The following AKR1C3 variants were observed in gnomAD, a reference collection of about 807,000 sequenced individuals.
AKR1C3 encodes the protein 3-alpha hydroxysteroid dehydrogenase, type II.
A neutral mutation model predicts 43.6 loss-of-function variants in AKR1C3; 48 were observed. The ratio of observed to expected loss-of-function variants is 1.10; its 90% confidence interval spans 0.87 to 1.40. The LOEUF (loss-of-function observed/expected upper bound fraction) is 1.40. Among genes scored for constraint, AKR1C3 ranks in the 40% most tolerant of loss-of-function variants. The probability of loss-of-function intolerance (pLI) is 0.00; values close to 1 mark genes in which losing one functional copy is unlikely to be tolerated. For synonymous variants in AKR1C3, 162 were observed against 139.6 expected (o/e 1.16, Z -1.13); for missense variants, 482 against 391.2 (o/e 1.23, Z -1.96).
chr10:5,074,336 C>G (rs1838667834), intron 1 of AKR1C3, among the ~76,000 whole-genome samples: 1 of 152,106 alleles, frequency 6.6e-6, no homozygotes, highest in Admixed American at 6.5e-5. Context: ...TTTGGGGGTC[C>G]ATACTCTAAA....
intron 1 of AKR1C3, among the ~76,000 whole-genome samples, chr10:5,086,026 G>T (rs1481234099): frequency 6.6e-6 from 1 of 151,722 alleles, no homozygotes; most frequent in Non-Finnish European, 1.5e-5. Flanking sequence ...CAAAAAACCA[G>T]CTCCTGGTTT....
rs1352145237 is a variant in AKR1C3, at chr10:5,064,673, CAAA to C, written c.84+15780_84+15782del. 2.0e-5 allele frequency among the ~76,000 whole-genome samples: 3 copies of C among 152,114 alleles called. No homozygotes were observed. In the East Asian group the frequency reaches 5.8e-4, roughly 29 times the overall value. Reference sequence around the variant, plus strand: ...ATCCAGAATCTACAAGAAACTTAAACAAAATAACAAGCAAAAAGAACAACAACT... The same window carrying C: ...ATCCAGAATCTACAAGAAACTTAAACATAACAAGCAAAAAGAACAACAACT... On this transcript the variant is annotated intron_variant, in intron 1 of 8. Transcript: ENST00000439082.
At chr10:5,088,063 T>C (rs1839012401) in intron 1 of AKR1C3, among the ~76,000 whole-genome samples, 3 of 152,228 alleles carry the variant, frequency 2.0e-5, no homozygotes. Context: ...GAATTCTGAA[T>C]TTCATTCTTT....
chr10:5,072,225 TGC>T, intron 1 of AKR1C3, among the ~76,000 whole-genome samples: 1 of 152,204 alleles, frequency 6.6e-6, no homozygotes, highest in Non-Finnish European at 1.5e-5. Context: ...TCAAAATAAA[TGC>T]TTATATTTGA....
rs587664294 is a variant in AKR1C3 at position 5,107,396 on chromosome 10, A to C, written c.930-65A>C. On this transcript the variant is annotated intron_variant, in intron 8 of 8. Transcript: ENST00000380554. ...TCATACTAATGACAGCTTCATTGAA[A>C]TCACTTTACTACTCCCCTAGTAATG... The C allele has an allele frequency of 2.5e-6, 3 of 1,177,188 alleles. No homozygotes were observed. The East Asian group carries it at 7.2e-5, about 28-fold the overall frequency. 72.9% of individuals were successfully genotyped at this position (1,177,188 alleles called of 1,614,324 possible). A position where few individuals can be genotyped will look rare whatever the true frequency, so the allele number is the denominator to read the frequency against.
rs782264169 is a variant in AKR1C3, at chr10:5,102,181, T to C, written c.651T>C (p.Ser217=). ...AAGATATTGTTCTGGTTGCCTATAG[T>C]GCTCTGGGATCTCAACGAGACAAAC... is the stretch of plus-strand genomic sequence containing the variant. ...KSKDIVLVAY[S]ALGSQRDKRW... is the part of the protein sequence containing the mutation. Residue 217 remains serine, a synonymous_variant, in exon 6 of 9, where the codon AGT becomes AGC. Transcript: ENST00000380554. The C allele has an allele frequency of 1.9e-6, 3 of 1,613,910 alleles. No homozygotes were observed. The highest frequency in any genetic ancestry group is 2.2e-5 in the South Asian group (2 of 91,044).
intron 1 of AKR1C3, among the ~76,000 whole-genome samples, chr10:5,051,696 T>A (rs1838157545): frequency 6.6e-6 from 1 of 152,232 alleles, no homozygotes; most frequent in Non-Finnish European, 1.5e-5. Flanking sequence ...GCGTGAGTTC[T>A]ACCAGAGGCC....
chr10:5,077,095 T>G (rs1160649179), intron 1 of AKR1C3, among the ~76,000 whole-genome samples: 1 of 152,174 alleles, frequency 6.6e-6, no homozygotes, highest in Non-Finnish European at 1.5e-5. Context: ...GATAATCTTT[T>G]TTTTTCACTA....
chr10:5,051,275 T>G (rs1838148187), intron 1 of AKR1C3, among the ~76,000 whole-genome samples: 1 of 152,160 alleles, frequency 6.6e-6, no homozygotes, highest in Admixed American at 6.6e-5. Context: ...TTTGTATTTT[T>G]TAGTAGAGAC....
At chr10:5,104,325 G>T (rs1386669433) in intron 7 of AKR1C3, among the ~76,000 whole-genome samples, 2 of 152,064 alleles carry the variant, frequency 1.3e-5, no homozygotes, top group African/African-American at 4.8e-5. Context: ...TTTCTAAATT[G>T]ATATCAAAAG....
At chr10:5,101,370 T>G (rs1285113047) in intron 5 of AKR1C3, among the ~76,000 whole-genome samples, 1 of 152,188 alleles carries the variant, frequency 6.6e-6, no homozygotes, top group Non-Finnish European at 1.5e-5. Context: ...TCATTTTCAA[T>G]TTTAAAACCT....
upstream of AKR1C3, among the ~76,000 whole-genome samples, chr10:5,090,546 T>C (rs1253393960): frequency 6.6e-6 from 1 of 152,124 alleles, no homozygotes; most frequent in Non-Finnish European, 1.5e-5. Context: ...CCCAGTTCAA[T>C]ATAGACAGCT....
At chr10:5,062,974 T>C (rs1554780383) in intron 1 of AKR1C3, among the ~76,000 whole-genome samples, 3 of 152,182 alleles carry the variant, frequency 2.0e-5, no homozygotes, top group Non-Finnish European at 4.4e-5. Flanking sequence ...AATCCCTGAT[T>C]CATTATTTTT....
At chr10:5,105,230 ATCTTGTTATTTAAAAATTTGCCTCTAGAT>A (rs1432895533) in intron 7 of AKR1C3, 3 of 152,298 alleles carry the variant, frequency 2.0e-5, no homozygotes, top group African/African-American at 2.8e-5. Flanking sequence ...TTAATATATA[ATCTTGTTATTTAAAAATTTGCCTCTAGAT>A]TCTTGTGGGC....
At chr10:5,052,363 G>A (rs113316049) in intron 1 of AKR1C3, among the ~76,000 whole-genome samples, 140 of 152,300 alleles carry the variant, frequency 9.2e-4, no homozygotes, top group African/African-American at 3.2e-3. Flanking sequence ...CTTCCACAGT[G>A]TGGAAGGGGA....
intron 5 of AKR1C3, among the ~76,000 whole-genome samples, chr10:5,101,336 T>C (rs1298079599): frequency 2.6e-5 from 4 of 152,012 alleles, no homozygotes; most frequent in African/African-American, 9.7e-5. Context: ...ATTGTATTTA[T>C]TATTTTTTGG....
chr10:5,105,606 C>G lies in AKR1C3; in HGVS notation c.858C>G (p.Phe286Leu), dbSNP rs781824061. Residue 286 changes from phenylalanine to leucine, a missense_variant, in exon 8 of 9, where the codon TTC becomes TTG. Phe to Leu is a conservative substitution (Grantham distance 22, BLOSUM62 0). Coordinates refer to ENST00000380554, the MANE Select transcript of AKR1C3 (RefSeq NM_003739.6). ...RIRQNVQVFE[F>L]QLTAEDMKAI... ...TTTATTTCTGATAGGTTTTTGAGTT[C>G]CAGTTGACTGCAGAGGACATGAAAG... The G allele has an allele frequency of 6.2e-6, 10 of 1,613,462 alleles. No individual in the cohort carries two copies. Among genetic ancestry groups the G allele is most frequent in the Non-Finnish European group, 8.5e-6 (10 of 1,179,682 alleles).
chr10:5,099,665 G>A, intron 5 of AKR1C3: 1 of 798,796 alleles, frequency 1.3e-6, no homozygotes, highest in Non-Finnish European at 1.9e-6. Context: ...GCTGAATCGT[G>A]TGTAATATTT....
intron 1 of AKR1C3, among the ~76,000 whole-genome samples, chr10:5,073,554 A>T (rs1438453613): frequency 4.6e-5 from 7 of 152,024 alleles, no homozygotes; most frequent in African/African-American, 1.7e-4. Flanking sequence ...TTTCTCTCTC[A>T]GTCTTACCCA....
Sources: gnomAD v4.1 joint callset for allele counts (sites outside exome capture counted in the v4.1 genomes callset) on GRCh38, gnomAD v4.1.1 for gene constraint, MANE v1.5 for transcripts, NCBI Gene and HGNC (gene_info 2026-07-23, HGNC 2026-07-21) for gene names.